Variants in RALGPS2 observed in about 807,000 individuals in gnomAD.
The protein encoded by RALGPS2 is Ral GEF with PH domain and SH3 binding motif 2, also known as ras-specific guanine nucleotide-releasing factor RalGPS2.
Under a neutral mutation model 86.8 loss-of-function variants are expected in RALGPS2, and 43 were observed. The observed-to-expected ratio is 0.50, with a 90% CI of 0.39 to 0.64. The LOEUF (loss-of-function observed/expected upper bound fraction) is 0.64. Among genes scored for constraint, RALGPS2 ranks in the 30% least tolerant of loss-of-function variants. The pLI, the probability that RALGPS2 is intolerant of heterozygous loss-of-function variation, is 0.00. For missense variants in RALGPS2, 536 were observed against 694.6 expected, an observed-to-expected ratio of 0.77 and a Z score of 2.57; for synonymous variants, 243 against 231.3, an observed-to-expected ratio of 1.05 and a Z score of -0.46.
chr1:178,880,047 T>A (rs192744242), intron 10 of RALGPS2, among the ~76,000 whole-genome samples: 156 of 152,282 alleles, frequency 1.0e-3, no homozygotes, highest in African/African-American at 3.4e-3. Context: ...AAAAAGTTTA[T>A]TTAGCTTTAT....
rs189498642 is a variant in RALGPS2, at chr1:178,915,530, C to A, written c.1723-800C>A. On this transcript the variant is annotated intron_variant, in intron 19 of 19. Coordinates refer to ENST00000367635, the MANE Select transcript of RALGPS2 (RefSeq NM_152663.5). ...GATTATAGGCGTGAGCCACCGCACC[C>A]GGCCAAATATGAGTTTCTTATAATC... Among the ~76,000 whole-genome samples the A allele has an allele frequency of 3.3e-4, 51 of 152,324 alleles. No individual in the cohort carries two copies. In the Middle Eastern group the frequency reaches 0.01, roughly 30 times the overall value.
intron 3 of RALGPS2, among the ~76,000 whole-genome samples, 188 bp downstream of exon 3, chr1:178,784,710 A>AT (rs779033136): frequency 1.3e-5 from 2 of 149,852 alleles, no homozygotes; most frequent in East Asian, 1.9e-4. Context: ...AAAGCTGTAC[A>AT]TTTTTTTTTA....
chr1:178,902,247 C>G (rs200734937), intron 18 of RALGPS2, 36 bp downstream of exon 18: 9 of 1,482,122 alleles, frequency 6.1e-6, no homozygotes, highest in Non-Finnish European at 8.5e-6. Context: ...TACGATACTG[C>G]GTATGTGTTT....
At chr1:178,833,694 A>G (rs1656132882) in intron 8 of RALGPS2, 144 bp downstream of exon 8, 2 of 1,330,294 alleles carry the variant, frequency 1.5e-6, no homozygotes, top group South Asian at 3.8e-5. Flanking sequence ...AAAATGACTA[A>G]AGATAGTTGT....
intron 1 of RALGPS2, among the ~76,000 whole-genome samples, chr1:178,732,757 A>G (rs1367228179): frequency 6.6e-6 from 1 of 151,554 alleles, no homozygotes; most frequent in Non-Finnish European, 1.5e-5. Flanking sequence ...TAAACATAAA[A>G]TGTTGAATTC....
At chr1:178,727,949 T>C (rs1650123390) in intron 1 of RALGPS2, among the ~76,000 whole-genome samples, 1 of 152,222 alleles carries the variant, frequency 6.6e-6, no homozygotes, top group Non-Finnish European at 1.5e-5. Flanking sequence ...GATATTGTTT[T>C]TTTCTTTCTG....
intron 2 of RALGPS2, among the ~76,000 whole-genome samples, chr1:178,783,395 A>G (rs145664527): frequency 6.6e-6 from 1 of 152,206 alleles, no homozygotes. Flanking sequence ...GGTGTAGCAT[A>G]TGCATAATGG....
At chr1:178,796,570 T>C (rs763055785) in intron 4 of RALGPS2, among the ~76,000 whole-genome samples, 1 of 152,164 alleles carries the variant, frequency 6.6e-6, no homozygotes, top group African/African-American at 2.4e-5. Flanking sequence ...CTTCCCTCAG[T>C]CTCTTATCTA....
chr1:178,913,163 TC>T (rs1047433317), intron 19 of RALGPS2, among the ~76,000 whole-genome samples: 3 of 151,798 alleles, frequency 2.0e-5, no homozygotes, highest in African/African-American at 4.8e-5. Flanking sequence ...ATACCTGTAG[TC>T]CCAGCCACTA....
At chr1:178,832,178 G>A (rs1380774492) in intron 7 of RALGPS2, among the ~76,000 whole-genome samples, 2 of 152,124 alleles carry the variant, frequency 1.3e-5, no homozygotes, top group East Asian at 3.8e-4. Flanking sequence ...TCTTGAAAGT[G>A]GAGTAAGAGA....
chr1:178,747,684 A>G lies in RALGPS2; in HGVS notation c.-84+22265A>G, dbSNP rs1296956912. The G allele has an allele frequency of 1.3e-4, 188 of 1,483,984 alleles. 1 individual carries two copies. The East Asian group carries it at 3.8e-3, about 30-fold the overall frequency. 91.9% of individuals were successfully genotyped at this position (1,483,984 alleles called of 1,614,324 possible). On this transcript the variant is annotated intron_variant, in intron 1 of 19. Transcript: ENST00000367635. Reference sequence around the variant, plus strand: ...TTTGCAGTTTAACACAACTGTGATCATCAAGTACAGCAGCTGCCAGCGATG... The same window carrying G: ...TTTGCAGTTTAACACAACTGTGATCGTCAAGTACAGCAGCTGCCAGCGATG...
intron 4 of RALGPS2, among the ~76,000 whole-genome samples, chr1:178,793,401 C>CTTTT (rs76555147): frequency 2.7e-5 from 3 of 109,998 alleles, no homozygotes; most frequent in Admixed American, 9.2e-5. Flanking sequence ...CCACAGGGGT[C>CTTTT]TTTTTTTTTT....
At chr1:178,795,984 A>G (rs553843577) in intron 4 of RALGPS2, among the ~76,000 whole-genome samples, 10 of 152,206 alleles carry the variant, frequency 6.6e-5, no homozygotes, top group Admixed American at 1.3e-4. Context: ...TTGTTCTGCT[A>G]TACAGACCAG....
chr1:178,881,134 A>G (rs2102370770), intron 10 of RALGPS2, among the ~76,000 whole-genome samples: 1 of 152,324 alleles, frequency 6.6e-6, no homozygotes, highest in East Asian at 1.9e-4. Context: ...ATACATCCAC[A>G]AAACAGATGA....
In RALGPS2 at chr1:178,795,840, T is replaced by A. The variant is rs563481200; in HGVS notation, c.213+10233T>A. Among the ~76,000 whole-genome samples the A allele has an allele frequency of 6.8e-4, 104 of 152,338 alleles. 1 individual carries two copies. Among genetic ancestry groups the A allele is most frequent in the Middle Eastern group, 6.8e-3 (2 of 294 alleles). On this transcript the variant is annotated intron_variant, in intron 4 of 19. Transcript: ENST00000367635. ...ATATAATCTTGGAAACATCCAAAGT[T>A]CCAGCATCAGGAATATCATAATTCT... is the stretch of plus-strand genomic sequence containing the variant.
At chr1:178,903,745 C>T (rs188591090) in intron 18 of RALGPS2, among the ~76,000 whole-genome samples, 3 of 152,284 alleles carry the variant, frequency 2.0e-5, no homozygotes, top group Admixed American at 6.5e-5. Context: ...TTTATCCACT[C>T]GTTGATTGAT....
intron 1 of RALGPS2, among the ~76,000 whole-genome samples, chr1:178,770,783 T>C (rs1284454954): frequency 6.7e-6 from 1 of 149,562 alleles, no homozygotes; most frequent in Non-Finnish European, 1.5e-5. Context: ...GGCCACCCTT[T>C]TACCTCTTAG....
At chr1:178,883,398 A>G in intron 10 of RALGPS2, 68 bp from the exon 11 acceptor site, 1 of 1,250,262 alleles carries the variant, frequency 8.0e-7, no homozygotes, top group South Asian at 1.2e-5. Flanking sequence ...GAGAAAATAC[A>G]CAACTTTAAT....
intron 8 of RALGPS2, among the ~76,000 whole-genome samples, chr1:178,846,527 A>G (rs1222701914): frequency 6.6e-6 from 1 of 150,832 alleles, no homozygotes; most frequent in African/African-American, 2.4e-5. Context: ...TTTTACCCTC[A>G]CTCTTTTATA....
Sources: gnomAD v4.1 joint callset for allele counts (sites outside exome capture counted in the v4.1 genomes callset) on GRCh38, gnomAD v4.1.1 for gene constraint, MANE v1.5 for transcripts, NCBI Gene and HGNC (gene_info 2026-07-23, HGNC 2026-07-21) for gene names.